NAA30: variants seen among roughly 807,000 people sequenced by gnomAD.
The protein encoded by NAA30 is N-alpha-acetyltransferase 30.
A neutral mutation model predicts 31.4 loss-of-function variants in NAA30; 5 were observed. The ratio of observed to expected loss-of-function variants is 0.16; its 90% CI spans 0.08 to 0.33. The LOEUF is 0.33. Among genes scored for constraint, NAA30 ranks in the 10% least tolerant of loss-of-function variants. NAA30 has a pLI of 1.00. For missense variants in NAA30, 428 were observed against 490.8 expected (o/e 0.87, Z 1.21); for synonymous variants, 222 against 207.1 (o/e 1.07, Z -0.62).
At chr14:57,409,233 T>C (rs920081142) in intron 4 of NAA30, 146 bp from the exon 5 acceptor site, 5 of 669,670 alleles carry the variant, frequency 7.5e-6, no homozygotes, top group Non-Finnish European at 1.2e-5. Flanking sequence ...TCTTGATGAC[T>C]GTTTTTGAGT....
At position 57,391,803 on chromosome 14, in the gene NAA30, A is replaced by G; in HGVS notation, c.771+75A>G. ...TGCGGGGCAGGGAGTGAGGGCCCAG[A>G]ATGTGGCAGTGGATATCTCCTGCTG... is the stretch of plus-strand genomic sequence containing the variant. On this transcript the variant is annotated intron_variant, in intron 2 of 4. Coordinates refer to ENST00000556492, the MANE Select transcript of NAA30 (RefSeq NM_001011713.3). This position sits in a 1 kb window ranked among gnomAD's most constrained non-coding sequence, Gnocchi z 4.1. 1 of 1,193,178 alleles carries G rather than the reference A, an allele frequency of 8.4e-7. No individual in the cohort carries two copies. The highest frequency in any genetic ancestry group is 1.2e-6 in the Non-Finnish European group (1 of 841,650). The allele number at this position is 1,193,178 out of a possible 1,614,324, so 73.9% of individuals were successfully genotyped here. A position where few individuals can be genotyped will look rare whatever the true frequency, so the allele number is the denominator to read the frequency against.
rs1255126893 is a variant in NAA30 at position 57,415,302 on chromosome 14, T to C, written c.*5786T>C. The C allele has an allele frequency of 6.6e-6, 1 of 152,228 alleles. No homozygotes were observed. The highest frequency in any genetic ancestry group is 1.5e-5 in the Non-Finnish European group (1 of 68,034). The allele number at this position is 152,228 out of a possible 1,614,324, so 9.4% of individuals were successfully genotyped here. On this transcript the variant is annotated 3_prime_UTR_variant, in exon 5 of 5. Coordinates refer to ENST00000556492, the MANE Select transcript of NAA30 (RefSeq NM_001011713.3). The stretch of plus-strand genomic sequence containing the variant: ...TAAGTATTTAGTGAGATTTGTATTC[T>C]AGGAAGTGTGTGCCGTCACTTGTTC...
chr14:57,396,939 A>T, intron 3 of NAA30, 64 bp downstream of exon 3: 2 of 1,511,674 alleles, frequency 1.3e-6, no homozygotes, highest in Non-Finnish European at 1.8e-6. Flanking sequence ...TGTGTTTTGA[A>T]ATAAAAGACT....
chr14:57,393,123 A>G (rs1237308502), intron 2 of NAA30, among the ~76,000 whole-genome samples: 1 of 152,192 alleles, frequency 6.6e-6, no homozygotes, highest in Non-Finnish European at 1.5e-5. Flanking sequence ...ACAGAAGTAG[A>G]TGATTGAGTC....
intron 3 of NAA30, among the ~76,000 whole-genome samples, chr14:57,397,924 C>A (rs1210759082): frequency 1.3e-5 from 2 of 152,140 alleles, no homozygotes; most frequent in African/African-American, 4.8e-5. Flanking sequence ...TTTCAAAAAA[C>A]CACTCTTCTA....
chr14:57,391,362 C>G lies in NAA30; in HGVS notation c.405C>G (p.Gly135=), dbSNP rs781400063. The G allele has an allele frequency of 3.1e-6, 5 of 1,611,546 alleles. No individual in the cohort carries two copies. The highest frequency in any genetic ancestry group is 4.2e-6 in the Non-Finnish European group (5 of 1,179,406). Residue 135 remains glycine, a synonymous_variant, in exon 2 of 5, where the codon GGC becomes GGG. Coordinates refer to ENST00000556492, the MANE Select transcript of NAA30 (RefSeq NM_001011713.3). This position sits in a 1 kb window ranked among gnomAD's most constrained non-coding sequence, Gnocchi z 4.1. ...CAAAAGGAGCCGGGGTACACTCGGG[C>G]GAGAGGCCCCCTCACTCCCTCTCTA... ...TATKGAGVHS[G]ERPPHSLSSN...
intron 2 of NAA30, among the ~76,000 whole-genome samples, chr14:57,394,521 T>C (rs1277614850): frequency 6.6e-6 from 1 of 152,122 alleles, no homozygotes; most frequent in Non-Finnish European, 1.5e-5. Flanking sequence ...TAGTGATTCC[T>C]GTAAATGTAC....
chr14:57,400,092 T>G (rs1227959006), intron 4 of NAA30, among the ~76,000 whole-genome samples: 1 of 152,068 alleles, frequency 6.6e-6, no homozygotes, highest in Non-Finnish European at 1.5e-5. Context: ...TCAAAATGTG[T>G]GGGGGGAATC....
At position 57,390,678 on chromosome 14, in the gene NAA30, C is replaced by T. The variant is rs895657911; in HGVS notation, c.-29C>T. The T allele has an allele frequency of 2.4e-5, 9 of 374,312 alleles. No homozygotes were observed. The East Asian group carries it at 3.6e-4, about 15-fold the overall frequency. The allele number at this position is 374,312 out of a possible 1,614,324, so 23.2% of individuals were successfully genotyped here. A position where few individuals can be genotyped will look rare whatever the true frequency, so the allele number is the denominator to read the frequency against. ...GGCGGTGGCGGAGGAAGAGGAGTGG[C>T]GGCAGCGGCGGCGGGGACCCGTGCG... On this transcript the variant is annotated 5_prime_UTR_variant, in exon 1 of 5. Coordinates refer to ENST00000556492, the MANE Select transcript of NAA30 (RefSeq NM_001011713.3).
chr14:57,408,499 C>T (rs1319364630), intron 4 of NAA30, among the ~76,000 whole-genome samples: 3 of 152,144 alleles, frequency 2.0e-5, no homozygotes, highest in African/African-American at 4.8e-5. Flanking sequence ...GCTATATAGA[C>T]CAGTGGTTCT....
intron 2 of NAA30, among the ~76,000 whole-genome samples, chr14:57,393,906 T>G (rs1486906223): frequency 6.6e-6 from 1 of 152,122 alleles, no homozygotes; most frequent in African/African-American, 2.4e-5. Context: ...TCAGTGAAGA[T>G]TATTGTGTCA....
At chr14:57,407,992 G>C (rs2066506566) in intron 4 of NAA30, among the ~76,000 whole-genome samples, 1 of 152,186 alleles carries the variant, frequency 6.6e-6, no homozygotes, top group Admixed American at 6.5e-5. Context: ...TCAGGTTTGA[G>C]GCATTGGTGT....
At chr14:57,405,205 A>T (rs1328156958) in intron 4 of NAA30, among the ~76,000 whole-genome samples, 1 of 152,162 alleles carries the variant, frequency 6.6e-6, no homozygotes, top group Admixed American at 6.5e-5. Context: ...AAAGAATAAA[A>T]TAGATCACAT....
At position 57,391,204 on chromosome 14, in the gene NAA30, C is replaced by A; in HGVS notation, c.247C>A (p.Gln83Lys). ...CCCTCAGCCGCCGCAGGAGCAGCAGCAGCTCAACGGATTGATTAGCCCCGA... is the reference window on the plus strand; with the variant it reads ...CCCTCAGCCGCCGCAGGAGCAGCAGAAGCTCAACGGATTGATTAGCCCCGA... Reference protein sequence around the residue: ...RCPQPPQEQQQLNGLISPELR... With the variant: ...RCPQPPQEQQKLNGLISPELR... The change falls in exon 2 of 5, where the codon CAG (glutamine) becomes AAG (lysine). Residue 83 changes from glutamine (Q) to lysine (K), a missense_variant. Transcript: ENST00000556492. The surrounding 1 kb of genome is among the most constrained non-coding windows in gnomAD (Gnocchi z 4.1). 6.2e-7 allele frequency: 1 copy of A among 1,611,874 alleles called. No individual in the cohort carries two copies. Among genetic ancestry groups the A allele is most frequent in the Non-Finnish European group, 8.5e-7 (1 of 1,179,850 alleles).
intron 2 of NAA30, among the ~76,000 whole-genome samples, chr14:57,393,756 GAAGTT>G (rs2066439441): frequency 6.6e-6 from 1 of 152,004 alleles, no homozygotes; most frequent in South Asian, 2.1e-4. Context: ...TGATTGAAAA[GAAGTT>G]AAGAACCAAA....
intron 4 of NAA30, among the ~76,000 whole-genome samples, chr14:57,405,274 A>G (rs1435070085): frequency 1.3e-5 from 2 of 152,100 alleles, no homozygotes; most frequent in East Asian, 3.8e-4. Context: ...TATTTTTTGA[A>G]ATAACTTATA....
At chr14:57,405,363 CT>C (rs2066494118) in intron 4 of NAA30, among the ~76,000 whole-genome samples, 1 of 150,978 alleles carries the variant, frequency 6.6e-6, no homozygotes, top group South Asian at 2.1e-4. Flanking sequence ...TACTTTTTAT[CT>C]TTTTAATTAG....
In NAA30 at chr14:57,414,709, G is replaced by C. The variant is rs1281253261; in HGVS notation, c.*5193G>C. ...TCCATCACCGCAGTGTATTACCTTT[G>C]ACCCTCGCTGGTCATCTGGTAAGTG... is the stretch of plus-strand genomic sequence containing the variant. On this transcript the variant is annotated 3_prime_UTR_variant, in exon 5 of 5. Transcript: ENST00000556492. The C allele has an allele frequency of 6.6e-6, 1 of 152,152 alleles. No individual in the cohort carries two copies. Among genetic ancestry groups the C allele is most frequent in the African/African-American group, 2.4e-5 (1 of 41,416 alleles). The allele number at this position is 152,152 out of a possible 1,614,324, so 9.4% of individuals were successfully genotyped here.
Position 57,391,562 on chromosome 14 carries a change from G to C in NAA30, c.605G>C (p.Gly202Ala), listed in dbSNP as rs750469437. 2 of 1,614,170 alleles carry C rather than the reference G, an allele frequency of 1.2e-6. No homozygotes were observed. Among genetic ancestry groups the C allele is most frequent in the East Asian group, 4.5e-5 (2 of 44,868 alleles). The change falls in exon 2 of 5, where the codon GGC becomes GCC. Residue 202 changes from glycine to alanine, a missense_variant. Physicochemically the swap from Gly to Ala is moderately conservative, Grantham distance 60. This residue lies in a region of NAA30 where 349 missense variants were observed against 310.4 expected (regional missense o/e 1.12). Coordinates refer to ENST00000556492, the MANE Select transcript of NAA30 (RefSeq NM_001011713.3). This position sits in a 1 kb window ranked among gnomAD's most constrained non-coding sequence, Gnocchi z 4.1. ...GACTGCAGCTTAAGAAGCCCTTCGG[G>C]CAGGGAGGTTGAGCCTGGGGAGGAT... ...TADCSLRSPS[G>A]REVEPGEDRT...
Sources: allele counts gnomAD v4.1 joint callset (sites outside exome capture counted in the v4.1 genomes callset), GRCh38; gene constraint gnomAD v4.1.1; regional missense constraint gnomAD v4.1.1; non-coding constraint Gnocchi (gnomAD v3.1); transcripts MANE v1.5; gene names NCBI Gene and HGNC (gene_info 2026-07-23, HGNC 2026-07-21).